The following GLG1 variants were observed in gnomAD, a reference collection of about 807,000 sequenced individuals.
The protein encoded by GLG1 is Golgi apparatus protein 1.
A neutral mutation model predicts 160.5 loss-of-function variants in GLG1; 38 were observed. The observed-to-expected ratio is 0.24, with a 90% CI of 0.18 to 0.31. The LOEUF (loss-of-function observed/expected upper bound fraction) is 0.31. Ranked by LOEUF, GLG1 falls within the 10% of genes least tolerant of loss-of-function variation. GLG1 has a pLI of 1.00. For synonymous variants in GLG1, 644 were observed against 543.4 expected (o/e 1.19, Z -2.57); for missense variants, 1,373 against 1,505.2 (o/e 0.91, Z 1.45).
intron 1 of GLG1, among the ~76,000 whole-genome samples, chr16:74,553,219 C>CAA (rs557115728): frequency 8.9e-5 from 11 of 124,086 alleles, no homozygotes; most frequent in Non-Finnish European, 1.0e-4. Flanking sequence ...AACTCTGTCT[C>CAA]AAAAAAAAAA....
chr16:74,586,824 T>C (rs1210339258), intron 1 of GLG1, among the ~76,000 whole-genome samples: 6 of 151,970 alleles, frequency 3.9e-5, no homozygotes, highest in African/African-American at 1.4e-4. Context: ...GCCTACCAAG[T>C]AGCTGGGATT....
intron 1 of GLG1, among the ~76,000 whole-genome samples, chr16:74,550,744 A>G (rs1000110870): frequency 1.2e-4 from 19 of 152,294 alleles, no homozygotes; most frequent in African/African-American, 4.6e-4. Context: ...GAAAAAAAAA[A>G]TTTAGAGATT....
intron 2 of GLG1, among the ~76,000 whole-genome samples, chr16:74,527,838 T>C (rs1311015478): frequency 2.0e-5 from 3 of 151,736 alleles, no homozygotes; most frequent in East Asian, 3.9e-4. Flanking sequence ...GTGATTCTTA[T>C]GCCTCAGCCT....
At chr16:74,559,806 T>C (rs115650247) in intron 1 of GLG1, among the ~76,000 whole-genome samples, 2,015 of 152,276 alleles carry the variant, frequency 0.013, 32 homozygotes, top group African/African-American at 0.046. Context: ...TCACTTTGAA[T>C]GTCCACTGTC....
At chr16:74,527,245 C>CTT (rs71158522) in intron 2 of GLG1, among the ~76,000 whole-genome samples, 8,858 of 83,070 alleles carry the variant, frequency 0.11, 724 homozygotes, top group Middle Eastern at 0.14. Context: ...TAAGTCAGTT[C>CTT]TTTTTTTTTT....
chr16:74,599,991 G>A lies in GLG1; in HGVS notation c.438+6666C>T, dbSNP rs1345185631. Among the ~76,000 whole-genome samples, 4 of 152,168 alleles carry A rather than the reference G, an allele frequency of 2.6e-5. No homozygotes were observed. The South Asian group carries it at 6.2e-4, about 24-fold the overall frequency. On this transcript the variant is annotated intron_variant, in intron 1 of 25. Transcript: ENST00000422840. ...AAAGGTTGCAGTGAGGTGAGATCGC[G>A]CCACTGCACTCCAGCCTGGGTGACA... is the stretch of plus-strand genomic sequence containing the variant.
chr16:74,505,854 C>A (rs967985416), intron 3 of GLG1, among the ~76,000 whole-genome samples: 1 of 151,422 alleles, frequency 6.6e-6, no homozygotes, highest in Non-Finnish European at 1.5e-5. Context: ...GACTACTTCT[C>A]TAAACAAATA....
chr16:74,532,645 T>A (rs927280564), intron 1 of GLG1, among the ~76,000 whole-genome samples: 3 of 151,914 alleles, frequency 2.0e-5, no homozygotes, highest in African/African-American at 7.3e-5. Context: ...GGCCTCAGGC[T>A]CCCGAGTAGC....
At chr16:74,514,875 T>C (rs900110108) in intron 2 of GLG1, among the ~76,000 whole-genome samples, 2 of 152,006 alleles carry the variant, frequency 1.3e-5, no homozygotes, top group Non-Finnish European at 2.9e-5. Flanking sequence ...CCCATCAGTA[T>C]GCTGTATTCA....
rs913773147 is a variant in GLG1, at chr16:74,452,807, A to G, written c.*360T>C. 1 of 689,598 alleles carries G rather than the reference A, an allele frequency of 1.5e-6. No individual in the cohort carries two copies. The highest frequency in any genetic ancestry group is 1.8e-6 in the Non-Finnish European group (1 of 556,312). 42.7% of individuals were successfully genotyped at this position (689,598 alleles called of 1,614,324 possible). On this transcript the variant is annotated 3_prime_UTR_variant, in exon 26 of 26. Transcript: ENST00000422840. ...TATATACATTTTTTTCTTTAAAAAA[A>G]TTTTTTTTTTTGGTGGTTTTCTTAA... is the stretch of plus-strand genomic sequence containing the variant.
At chr16:74,469,571 A>G (rs1175602102) in intron 16 of GLG1, 1 of 189,172 alleles carries the variant, frequency 5.3e-6, no homozygotes, top group African/African-American at 2.3e-5. Flanking sequence ...TTCTTAAATG[A>G]ATAAAGATTC....
intron 1 of GLG1, among the ~76,000 whole-genome samples, chr16:74,541,153 G>C (rs1185029277): frequency 6.6e-6 from 1 of 151,802 alleles, no homozygotes; most frequent in Non-Finnish European, 1.5e-5. Context: ...GTGAAACCCT[G>C]TCTCTACTAA....
At chr16:74,487,110 C>T (rs763940064) in intron 8 of GLG1, among the ~76,000 whole-genome samples, 4 of 152,042 alleles carry the variant, frequency 2.6e-5, no homozygotes, top group Non-Finnish European at 4.4e-5. Context: ...GATGAGGTTT[C>T]GCCACGTTGG....
intron 9 of GLG1, among the ~76,000 whole-genome samples, chr16:74,484,722 C>T (rs563973387): frequency 4.0e-5 from 6 of 151,560 alleles, no homozygotes; most frequent in Admixed American, 6.6e-5. Flanking sequence ...AGCGAGATTG[C>T]GCCACTGTAC....
intron 5 of GLG1, among the ~76,000 whole-genome samples, chr16:74,496,057 G>C (rs2016173098): frequency 6.6e-6 from 1 of 152,090 alleles, no homozygotes; most frequent in African/African-American, 2.4e-5. Flanking sequence ...TCAGGCCAGG[G>C]GTTCAAGACC....
At chr16:74,496,793 C>A in intron 4 of GLG1, 149 bp from the exon 5 acceptor site, 1 of 608,234 alleles carries the variant, frequency 1.6e-6, no homozygotes, top group Non-Finnish European at 2.9e-6. Flanking sequence ...AACGTTCTAC[C>A]AAGAAATCAA....
intron 16 of GLG1, 137 bp from the exon 17 acceptor site, chr16:74,469,200 AT>A: frequency 2.8e-5 from 18 of 635,698 alleles, no homozygotes; most frequent in South Asian, 5.7e-5. Context: ...GGCTCACTGT[AT>A]TTTTTTTCAG....
At chr16:74,540,038 ATATATATAT>A (rs2017800122) in intron 1 of GLG1, among the ~76,000 whole-genome samples, 2 of 16,460 alleles carry the variant, frequency 1.2e-4, no homozygotes, top group Non-Finnish European at 2.1e-4. Context: ...TATATATTTT[ATATATATAT>A]TATATATATT....
At chr16:74,498,577 G>C (rs1289669935) in intron 4 of GLG1, among the ~76,000 whole-genome samples, 1 of 144,502 alleles carries the variant, frequency 6.9e-6, no homozygotes, top group Non-Finnish European at 1.5e-5. Flanking sequence ...ATAATAAAAA[G>C]ATTCTGGCCA....
Sources: gnomAD v4.1 joint callset for allele counts (sites outside exome capture counted in the v4.1 genomes callset) on GRCh38, gnomAD v4.1.1 for gene constraint, MANE v1.5 for transcripts, NCBI Gene and HGNC (gene_info 2026-07-23, HGNC 2026-07-21) for gene names.